GRIP1: variants seen among roughly 807,000 people sequenced by gnomAD.
GRIP1 encodes the protein glutamate receptor interacting protein 1.
Under a neutral mutation model 129.9 loss-of-function variants are expected in GRIP1, and 45 were observed. That is an observed-to-expected ratio of 0.35 (90% CI 0.27 to 0.44). The LOEUF is 0.44. Among genes scored for constraint, GRIP1 ranks in the 20% least tolerant of loss-of-function variants. The pLI is 1.00. For synonymous variants in GRIP1, 530 were observed against 520.8 expected, an observed-to-expected ratio of 1.02 and a Z score of -0.24; for missense variants, 1,196 against 1,396.8, an observed-to-expected ratio of 0.86 and a Z score of 2.29.
Position 66,477,108 on chromosome 12 carries a change from T to C in GRIP1, c.725-11686A>G, listed in dbSNP as rs548545235. 3.9e-5 allele frequency among the ~76,000 whole-genome samples: 6 copies of C among 152,336 alleles called. No homozygotes were observed. The South Asian group carries it at 1.2e-3, about 32-fold the overall frequency. ...AAATTGTCCCTGTTTGCAGATGACATGATTGTATATTTAGAAAACCCCATC... is the reference window on the plus strand; with the variant it reads ...AAATTGTCCCTGTTTGCAGATGACACGATTGTATATTTAGAAAACCCCATC... On this transcript the variant is annotated intron_variant, in intron 7 of 24. Transcript: ENST00000359742.
intron 7 of GRIP1, among the ~76,000 whole-genome samples, chr12:66,489,633 A>G (rs1311559553): frequency 1.3e-5 from 2 of 152,286 alleles, no homozygotes; most frequent in African/African-American, 4.8e-5. Flanking sequence ...AGGCAATAGA[A>G]AGAAATAAAG....
chr12:66,660,290 C>A (rs1405604398), intron 1 of GRIP1, among the ~76,000 whole-genome samples: 1 of 152,084 alleles, frequency 6.6e-6, no homozygotes, highest in Non-Finnish European at 1.5e-5. Flanking sequence ...CATAATATAT[C>A]TCCTATTATA....
At chr12:66,411,972 G>A (rs1472792920) in intron 15 of GRIP1, among the ~76,000 whole-genome samples, 1 of 152,132 alleles carries the variant, frequency 6.6e-6, no homozygotes, top group African/African-American at 2.4e-5. Context: ...CCAAAAATAT[G>A]GGATTATGTA....
intron 2 of GRIP1, among the ~76,000 whole-genome samples, chr12:66,588,702 G>A (rs1228628848): frequency 6.6e-6 from 1 of 152,128 alleles, no homozygotes; most frequent in Non-Finnish European, 1.5e-5. Context: ...GGGGTGCAGT[G>A]GCTTACGCTT....
chr12:66,476,527 T>A (rs1417768788), intron 7 of GRIP1, among the ~76,000 whole-genome samples: 4 of 152,326 alleles, frequency 2.6e-5, no homozygotes, highest in Middle Eastern at 3.4e-3. Flanking sequence ...GCTCACTTTA[T>A]GAGGTTAGCA....
rs142639953 is a variant in GRIP1, at chr12:66,987,342, C to A, written c.58+81708G>T. On this transcript the variant is annotated intron_variant, in intron 1 of 1. Transcript: ENST00000643019. ...AAGAACCAATGATACTGATAGATGGCAATAATTTTGAGATAAAGTACAATG... is the reference window on the plus strand; with the variant it reads ...AAGAACCAATGATACTGATAGATGGAAATAATTTTGAGATAAAGTACAATG... Among the ~76,000 whole-genome samples the A allele has an allele frequency of 2.0e-5, 3 of 152,256 alleles. No individual in the cohort carries two copies. In the East Asian group the frequency reaches 5.8e-4, roughly 29 times the overall value.
intron 1 of GRIP1, among the ~76,000 whole-genome samples, chr12:66,743,749 A>C (rs545649894): frequency 6.6e-6 from 1 of 152,242 alleles, no homozygotes; most frequent in Admixed American, 6.5e-5. Flanking sequence ...AATAGTGTTA[A>C]AATTGGTGTG....
chr12:66,958,982 T>C (rs1273868249), intron 1 of GRIP1, among the ~76,000 whole-genome samples: 4 of 152,208 alleles, frequency 2.6e-5, no homozygotes, highest in Middle Eastern at 3.2e-3. Context: ...ACGTAATAGA[T>C]AAAACTTTCT....
chr12:66,349,284 T>C, intron 24 of GRIP1, 38 bp from the exon 25 acceptor site: 1 of 1,493,232 alleles, frequency 6.7e-7, no homozygotes, highest in Non-Finnish European at 9.3e-7. Context: ...ATTATCGTTG[T>C]AACCATAATT....
In GRIP1 at chr12:66,795,954, G is replaced by A. The variant is rs928344620; in HGVS notation, c.-420+8099C>T. ...CATTTTAGTATCCTCTGATGACATGGTAAGTGTACTTTTAGCTTAAGAATC... is the reference window on the plus strand; with the variant it reads ...CATTTTAGTATCCTCTGATGACATGATAAGTGTACTTTTAGCTTAAGAATC... On this transcript the variant is annotated intron_variant, in intron 1 of 4. Coordinates refer to the GRIP1 transcript ENST00000538373. 5.9e-5 allele frequency among the ~76,000 whole-genome samples: 9 copies of A among 152,124 alleles called. No individual in the cohort carries two copies. The South Asian group carries it at 1.9e-3, about 32-fold the overall frequency.
At chr12:66,751,986 C>A (rs533568779) in intron 1 of GRIP1, among the ~76,000 whole-genome samples, 1 of 151,916 alleles carries the variant, frequency 6.6e-6, no homozygotes, top group Non-Finnish European at 1.5e-5. Context: ...GGTAAGCATG[C>A]CACAAATCCA....
chr12:66,651,525 C>T (rs1214314888), intron 1 of GRIP1, among the ~76,000 whole-genome samples: 4 of 152,212 alleles, frequency 2.6e-5, no homozygotes, highest in East Asian at 1.9e-4. Context: ...GTTCTTTTAA[C>T]GTGGATATGA....
intron 23 of GRIP1, among the ~76,000 whole-genome samples, chr12:66,357,741 G>A (rs939498913): frequency 6.6e-6 from 1 of 152,184 alleles, no homozygotes; most frequent in Admixed American, 6.5e-5. Flanking sequence ...TACAAGAAGG[G>A]CAGAATGAAT....
At chr12:66,804,907 A>G (rs1405221246), upstream of GRIP1, among the ~76,000 whole-genome samples, 1 of 152,188 alleles carries the variant, frequency 6.6e-6, no homozygotes, top group African/African-American at 2.4e-5. Context: ...TGTTAATTGG[A>G]GCAGCAGGGA....
At chr12:67,062,798 C>G (rs1250558979) in intron 1 of GRIP1, among the ~76,000 whole-genome samples, 1 of 152,172 alleles carries the variant, frequency 6.6e-6, no homozygotes, top group Non-Finnish European at 1.5e-5. Context: ...TCTTTGTTTT[C>G]ATGAGAGCTG....
intron 1 of GRIP1, among the ~76,000 whole-genome samples, chr12:66,629,131 T>A (rs1367505591): frequency 6.6e-6 from 1 of 152,270 alleles, no homozygotes; most frequent in East Asian, 1.9e-4. Context: ...TTTATCATAT[T>A]CTAGAAACAA....
At chr12:66,917,808 A>G (rs1027492673) in intron 1 of GRIP1, among the ~76,000 whole-genome samples, 9 of 152,188 alleles carry the variant, frequency 5.9e-5, no homozygotes, top group African/African-American at 2.2e-4. Context: ...AAGTCATTTT[A>G]TATAATGTTC....
chr12:66,349,040 T>C lies in GRIP1; in HGVS notation c.3366A>G (p.Arg1122=), dbSNP rs2054101493. 1.2e-6 allele frequency: 2 copies of C among 1,612,498 alleles called. No individual in the cohort carries two copies. Among genetic ancestry groups the C allele is most frequent in the Non-Finnish European group, 1.7e-6 (2 of 1,178,452 alleles). The change falls in exon 25 of 25, where the codon CGA becomes CGG. Residue 1122 remains arginine (R), a synonymous_variant. Coordinates refer to ENST00000359742, the MANE Select transcript of GRIP1 (RefSeq NM_001366722.1). ...QPSHGGNLET[R]EPTNTL ...GTTGCTATAATGTATTAGTGGGTTCTCGTGTCTCCAAATTACCACCGTGGC... is the reference window on the plus strand; with the variant it reads ...GTTGCTATAATGTATTAGTGGGTTCCCGTGTCTCCAAATTACCACCGTGGC...
intron 6 of GRIP1, among the ~76,000 whole-genome samples, chr12:66,516,971 A>AG (rs1458426365): frequency 6.6e-6 from 1 of 152,184 alleles, no homozygotes; most frequent in Non-Finnish European, 1.5e-5. Flanking sequence ...CCTCATGTAG[A>AG]GGGTGGTTGT....
Sources: gnomAD v4.1 joint callset for allele counts (sites outside exome capture counted in the v4.1 genomes callset) on GRCh38, gnomAD v4.1.1 for gene constraint, MANE v1.5 for transcripts, NCBI Gene and HGNC (gene_info 2026-07-23, HGNC 2026-07-21) for gene names.